ATF1: variants seen among roughly 807,000 people sequenced by gnomAD.
ATF1 encodes the protein cyclic AMP-dependent transcription factor ATF-1.
In ATF1, 16 loss-of-function variants were observed where a neutral mutation model predicts 34.7. The observed-to-expected ratio is 0.46, with a 90% CI of 0.31 to 0.70. ATF1 has a LOEUF of 0.70. ATF1 is among the 30% of genes least tolerant of loss of function. The probability of loss-of-function intolerance (pLI) is 0.05; values close to 1 mark genes in which losing one functional copy is unlikely to be tolerated. For synonymous variants in ATF1, 105 were observed against 113.1 expected (o/e 0.93, Z 0.46); for missense variants, 255 against 321.6 (o/e 0.79, Z 1.58).
At chr12:50,780,092 A>G in intron 1 of ATF1, 48 bp from the exon 2 acceptor site, 1 of 1,405,938 alleles carries the variant, frequency 7.1e-7, no homozygotes, top group Admixed American at 1.7e-5. Flanking sequence ...TATACTGTAA[A>G]CATTCTGTAT....
intron 2 of ATF1, among the ~76,000 whole-genome samples, chr12:50,784,133 A>G (rs573429310): frequency 2.3e-4 from 35 of 152,234 alleles, no homozygotes; most frequent in African/African-American, 7.7e-4. Context: ...ATTGCACTCC[A>G]GGCTGGGTCA....
At chr12:50,792,262 T>G (rs1224350134) in intron 2 of ATF1, among the ~76,000 whole-genome samples, 2 of 152,228 alleles carry the variant, frequency 1.3e-5, no homozygotes, top group African/African-American at 2.4e-5. Context: ...CTCTGGTCAA[T>G]AGAAGGTACC....
intron 2 of ATF1, among the ~76,000 whole-genome samples, chr12:50,787,748 A>AG (rs1212831569): frequency 1.3e-5 from 2 of 152,182 alleles, no homozygotes; most frequent in East Asian, 3.8e-4. Flanking sequence ...TCTAAAAAAA[A>AG]AAAATGGTGA....
At chr12:50,778,780 A>G (rs115515892) in intron 1 of ATF1, among the ~76,000 whole-genome samples, 1,591 of 152,134 alleles carry the variant, frequency 0.01, 29 homozygotes, top group African/African-American at 0.037. Flanking sequence ...AGTAGAAACC[A>G]TGTTGCCCAG....
intron 2 of ATF1, among the ~76,000 whole-genome samples, chr12:50,784,960 A>G (rs1191451995): frequency 2.0e-5 from 3 of 151,544 alleles, no homozygotes; most frequent in Non-Finnish European, 2.9e-5. Flanking sequence ...GGTTAGTTAC[A>G]TATGTATACA....
At chr12:50,812,937 A>G (rs2139694122) in intron 4 of ATF1, among the ~76,000 whole-genome samples, 1 of 152,164 alleles carries the variant, frequency 6.6e-6, no homozygotes, top group East Asian at 1.9e-4. Flanking sequence ...GAAAAAAAAT[A>G]TTTTTCCATC....
chr12:50,816,866 AAAAC>A (rs1450068746), intron 6 of ATF1, among the ~76,000 whole-genome samples: 2 of 152,240 alleles, frequency 1.3e-5, no homozygotes, highest in East Asian at 1.9e-4. Flanking sequence ...TCTCAAAAAT[AAAAC>A]AAACAAAAAA....
intron 1 of ATF1, among the ~76,000 whole-genome samples, chr12:50,765,927 T>C (rs1307357237): frequency 2.0e-5 from 3 of 152,212 alleles, no homozygotes; most frequent in African/African-American, 7.2e-5. Context: ...CCAGCAGCCC[T>C]TGGGGCTGCT....
In ATF1 at chr12:50,820,693, T is replaced by A. The variant is rs1359242364; in HGVS notation, c.*914T>A. The A allele has an allele frequency of 5.6e-6, 1 of 178,544 alleles. No individual in the cohort carries two copies. Among genetic ancestry groups the A allele is most frequent in the Non-Finnish European group, 1.2e-5 (1 of 82,838 alleles). The allele number at this position is 178,544 out of a possible 1,614,324, so 11.1% of individuals were successfully genotyped here. On this transcript the variant is annotated 3_prime_UTR_variant, in exon 7 of 7. Coordinates refer to ENST00000262053, the MANE Select transcript of ATF1 (RefSeq NM_005171.5). ...TTCCAAGAAGATTTTATAATCAATT[T>A]AATAATGTAAGGTTTATCAGATTCT... is the stretch of plus-strand genomic sequence containing the variant.
rs903128910 is a variant in ATF1 at position 50,809,597 on chromosome 12, T to C, written c.328+8T>C. 2.5e-6 allele frequency: 4 copies of C among 1,600,166 alleles called. No homozygotes were observed. Among genetic ancestry groups the C allele is most frequent in the Non-Finnish European group, 3.4e-6 (4 of 1,173,386 alleles). On this transcript the variant is annotated splice_region_variant and intron_variant, in intron 4 of 6. Transcript: ENST00000262053. ...CTAGCAGCGGACAGTACAGTATGTA[T>C]AGGAATCAGTTTCCACATTATAAAC...
intron 6 of ATF1, 117 bp from the exon 7 acceptor site, chr12:50,819,518 G>A: frequency 8.7e-7 from 1 of 1,155,636 alleles, no homozygotes; most frequent in South Asian, 1.5e-5. Flanking sequence ...TATTCTCTGT[G>A]TGTAGATGAT....
At chr12:50,766,358 CAGCTA>C (rs1214740333) in intron 1 of ATF1, among the ~76,000 whole-genome samples, 1 of 152,178 alleles carries the variant, frequency 6.6e-6, no homozygotes, top group Non-Finnish European at 1.5e-5. Context: ...AACTCCCTCT[CAGCTA>C]AGAACAGGTT....
At position 50,764,161 on chromosome 12, in the gene ATF1, T is replaced by C; in HGVS notation, c.-153T>C. The C allele has an allele frequency of 6.7e-6, 1 of 149,206 alleles. No individual in the cohort carries two copies. Among genetic ancestry groups the C allele is most frequent in the Non-Finnish European group, 1.5e-5 (1 of 67,320 alleles). 9.2% of individuals were successfully genotyped at this position (149,206 alleles called of 1,614,324 possible). A position where few individuals can be genotyped will look rare whatever the true frequency, so the allele number is the denominator to read the frequency against. Reference sequence around the variant, plus strand: ...AGGACAGTTGGCTGTTAAGTGACACTGATTCTCCCCGCCCCGCCTGACCCC... The same window carrying C: ...AGGACAGTTGGCTGTTAAGTGACACCGATTCTCCCCGCCCCGCCTGACCCC... On this transcript the variant is annotated 5_prime_UTR_variant, in exon 1 of 7. Coordinates refer to ENST00000262053, the MANE Select transcript of ATF1 (RefSeq NM_005171.5).
intron 1 of ATF1, among the ~76,000 whole-genome samples, chr12:50,772,253 C>T (rs796607936): frequency 5.9e-5 from 9 of 151,632 alleles, no homozygotes; most frequent in African/African-American, 1.9e-4. Flanking sequence ...GCTGGGATTA[C>T]AGGAATGAGC....
chr12:50,797,959 C>T (rs1351922121), intron 3 of ATF1, among the ~76,000 whole-genome samples: 1 of 151,872 alleles, frequency 6.6e-6, no homozygotes, highest in Non-Finnish European at 1.5e-5. Flanking sequence ...GGGTGGATCA[C>T]TTGAGGTCAG....
At chr12:50,801,493 GCCTA>G (rs1941510099) in intron 3 of ATF1, among the ~76,000 whole-genome samples, 1 of 152,094 alleles carries the variant, frequency 6.6e-6, no homozygotes, top group Non-Finnish European at 1.5e-5. Context: ...ACTGAAGATG[GCCTA>G]CACTCACCAA....
At chr12:50,807,802 GTTTTT>G (rs60898769) in intron 3 of ATF1, among the ~76,000 whole-genome samples, 1 of 141,880 alleles carries the variant, frequency 7.0e-6, no homozygotes, top group Non-Finnish European at 1.5e-5. Context: ...TTGTGTGTGT[GTTTTT>G]TTTTTGTTTT....
rs537161616 is a variant in ATF1, at chr12:50,820,126, A to G, written c.*347A>G. 29 of 246,656 alleles carry G rather than the reference A, an allele frequency of 1.2e-4. No homozygotes were observed. In the South Asian group the frequency reaches 2.5e-3, roughly 21 times the overall value. 15.3% of individuals were successfully genotyped at this position (246,656 alleles called of 1,614,324 possible). ...TTTTTTTTAAAAATCCATTTACCCT[A>G]CAGGTTTGCATTTGTTTGCTGAAAT... On this transcript the variant is annotated 3_prime_UTR_variant, in exon 7 of 7. Coordinates refer to ENST00000262053, the MANE Select transcript of ATF1 (RefSeq NM_005171.5).
chr12:50,792,812 T>C (rs1381552072), intron 2 of ATF1, among the ~76,000 whole-genome samples: 1 of 152,146 alleles, frequency 6.6e-6, no homozygotes, highest in African/African-American at 2.4e-5. Flanking sequence ...CCAGGTATTT[T>C]CTATATGCTT....
Sources: gnomAD v4.1 joint callset for allele counts (sites outside exome capture counted in the v4.1 genomes callset) on GRCh38, gnomAD v4.1.1 for gene constraint, MANE v1.5 for transcripts, NCBI Gene and HGNC (gene_info 2026-07-23, HGNC 2026-07-21) for gene names.